HPN: variants seen among roughly 807,000 people sequenced by gnomAD.
HPN encodes hepsin.
In HPN, 13 loss-of-function variants were observed where a neutral mutation model predicts 55.9. That is an observed-to-expected ratio of 0.23 (90% CI 0.15 to 0.37). HPN has a LOEUF of 0.37. Ranked by LOEUF, HPN falls within the 10% of genes least tolerant of loss-of-function variation. The pLI, the probability that HPN is intolerant of heterozygous loss-of-function variation, is 1.00. For missense variants in HPN, 451 were observed against 575.8 expected, an observed-to-expected ratio of 0.78 and a Z score of 2.22; for synonymous variants, 225 against 240.3, an observed-to-expected ratio of 0.94 and a Z score of 0.59.
At chr19:35,066,143 C>T (rs1421497913) in intron 12 of HPN, 106 bp from the exon 13 acceptor site, 2 of 1,612,828 alleles carry the variant, frequency 1.2e-6, no homozygotes, top group Non-Finnish European at 1.7e-6. Flanking sequence ...AGAAGAGGGC[C>T]CCCCTTGGGA....
rs1313447801 is a variant in HPN at position 35,066,233 on chromosome 19, A to G, written c.1216-16A>G. ...AGCCTCTCAGACCTCGGGAGCCCCC[A>G]GCTGTCTTTCCCCAGACTCACTCCG... On this transcript the variant is annotated splice_polypyrimidine_tract_variant and intron_variant, in intron 12 of 12. Coordinates refer to ENST00000672452, the MANE Select transcript of HPN (RefSeq NM_001384133.1). 4 of 1,613,986 alleles carry G rather than the reference A, an allele frequency of 2.5e-6. No homozygotes were observed. Among genetic ancestry groups the G allele is most frequent in the Middle Eastern group, 1.6e-4 (1 of 6,062 alleles).
At chr19:35,065,398 G>C in intron 10 of HPN, 53 bp downstream of exon 10, 1 of 1,569,758 alleles carries the variant, frequency 6.4e-7, no homozygotes, top group Non-Finnish European at 8.7e-7. Flanking sequence ...TCTGAACTAG[G>C]CTGGGGATGG....
chr19:35,059,334 TAGTC>T (rs2064496130), intron 4 of HPN: 2 of 421,726 alleles, frequency 4.7e-6, no homozygotes, highest in South Asian at 2.1e-5. Context: ...ACAAAAAAAT[TAGTC>T]AGGTGTGGTG....
At chr19:35,059,325 C>A (rs532020217) in intron 4 of HPN, 21 of 400,396 alleles carry the variant, frequency 5.2e-5, no homozygotes, top group African/African-American at 4.2e-4. Flanking sequence ...AACAAACAAA[C>A]AAAAAAATTA....
rs142808033 is a variant in HPN, at chr19:35,051,603, G to A, written c.160+2087G>A. Among the ~76,000 whole-genome samples the A allele has an allele frequency of 2.9e-3, 434 of 152,036 alleles. 10 individuals are homozygous for A. In the South Asian group the frequency reaches 0.061, roughly 22 times the overall value. Reference sequence around the variant, plus strand: ...TGAGTGACTTGCCCCAGGTCATGGAGCTAGTCAGTGTCAGGGCTGGGATTT... The same window carrying A: ...TGAGTGACTTGCCCCAGGTCATGGAACTAGTCAGTGTCAGGGCTGGGATTT... On this transcript the variant is annotated intron_variant, in intron 4 of 12. Coordinates refer to ENST00000672452, the MANE Select transcript of HPN (RefSeq NM_001384133.1).
In HPN at chr19:35,065,905, T is replaced by G. The variant is rs542419907; in HGVS notation, c.1088T>G (p.Ile363Ser). The change falls in exon 12 of 13, where the codon ATC (isoleucine) becomes AGC (serine). Residue 363 changes from isoleucine (I) to serine (S), a missense_variant. Around this residue, in one of 2 missense-constraint regions of HPN, gnomAD observed 73 missense variants for 130.3 expected, o/e 0.56. Transcript: ENST00000672452. ...GGTCCCTTTGTGTGTGAGGACAGCA[T>G]CTCTCGGACGCCACGTTGGCGGCTG... ...SGGPFVCEDS[I>S]SRTPRWRLCG... 22 of 1,614,116 alleles carry G rather than the reference T, an allele frequency of 1.4e-5. No individual in the cohort carries two copies. In the East Asian group the frequency reaches 4.7e-4, roughly 34 times the overall value.
At chr19:35,041,688 T>TCACCCCCCCCCCCCCCCCCCCCCCC, upstream of HPN, 1 of 638,114 alleles carries the variant, frequency 1.6e-6, no homozygotes, top group Non-Finnish European at 2.0e-6. Context: ...CCCCGCCCCT[T>TCACCCCCCCCCCCCCCCCCCCCCCC]CACCCGCCCC....
At chr19:35,042,163 G>C in intron 1 of HPN, 2 of 1,182,502 alleles carry the variant, frequency 1.7e-6, no homozygotes, top group Non-Finnish European at 2.1e-6. Context: ...CAAGACTTAT[G>C]ATTTCAGGTC....
intron 2 of HPN, among the ~76,000 whole-genome samples, chr19:35,048,082 A>AAGAAAGAAAGAAGG (rs111546288): frequency 1.0e-5 from 1 of 96,984 alleles, no homozygotes; most frequent in Non-Finnish European, 2.1e-5. Context: ...GAAAGAAAGA[A>AAGAAAGAAAGAAGG]AAGGAAGGAA....
At chr19:35,041,255 C>T (rs1282327669), upstream of HPN, among the ~76,000 whole-genome samples, 2 of 151,902 alleles carry the variant, frequency 1.3e-5, no homozygotes, top group Non-Finnish European at 2.9e-5. Context: ...GGGGAGGGGC[C>T]GGGGCAGGAT....
At chr19:35,044,719 G>C (rs1408284710) in intron 2 of HPN, among the ~76,000 whole-genome samples, 1 of 152,144 alleles carries the variant, frequency 6.6e-6, no homozygotes, top group East Asian at 1.9e-4. Context: ...AGTGGGGCTG[G>C]AAATGCCAGG....
chr19:35,065,195 T>C, intron 9 of HPN, 55 bp from the exon 10 acceptor site: 1 of 1,286,320 alleles, frequency 7.8e-7, no homozygotes, highest in Non-Finnish European at 1.1e-6. Flanking sequence ...GGACAGAGGT[T>C]TGTACCAGGT....
chr19:35,041,688 T>TACCCCCCCCCCCCCCCCC, upstream of HPN: 1 of 638,114 alleles, frequency 1.6e-6, no homozygotes, highest in South Asian at 2.6e-5. Flanking sequence ...CCCCGCCCCT[T>TACCCCCCCCCCCCCCCCC]CACCCGCCCC....
intron 9 of HPN, among the ~76,000 whole-genome samples, chr19:35,062,934 G>C (rs565104726): frequency 1.4e-4 from 22 of 152,070 alleles, no homozygotes; most frequent in Non-Finnish European, 2.8e-4. Context: ...TAGTAATAGC[G>C]AGTAGTATTC....
chr19:35,057,376 A>C (rs1423559712), intron 4 of HPN, among the ~76,000 whole-genome samples: 2 of 151,740 alleles, frequency 1.3e-5, no homozygotes, highest in East Asian at 3.9e-4. Context: ...CAGTGACCCA[A>C]GGTTGCACCA....
intron 2 of HPN, among the ~76,000 whole-genome samples, chr19:35,045,711 G>A (rs571133620): frequency 2.2e-5 from 3 of 135,810 alleles, no homozygotes; most frequent in South Asian, 4.8e-4. Flanking sequence ...TGGGCCAGAT[G>A]AGGATGCTGC....
chr19:35,055,419 A>C (rs1284459280), intron 4 of HPN, among the ~76,000 whole-genome samples: 4 of 148,634 alleles, frequency 2.7e-5, no homozygotes, highest in African/African-American at 9.9e-5. Flanking sequence ...AAAAAGTGGC[A>C]GGGAGAAGGA....
Position 35,049,352 on chromosome 19 carries a change from C to T in HPN, c.79C>T (p.Leu27=). The T allele has an allele frequency of 6.2e-7, 1 of 1,602,928 alleles. No individual in the cohort carries two copies. The highest frequency in any genetic ancestry group is 1.1e-5 in the South Asian group (1 of 89,696). Reference sequence around the variant, plus strand: ...GGCAGCTCTCACTGCGGGGACCCTGCTACTTCTGACAGCCATCGGGGCGGC... The same window carrying T: ...GGCAGCTCTCACTGCGGGGACCCTGTTACTTCTGACAGCCATCGGGGCGGC... The part of the protein sequence containing the change: ...KVAALTAGTL[L]LLTAIGAASW... Residue 27 remains leucine (L), a synonymous_variant, in exon 3 of 13, where the codon CTA becomes TTA. Transcript: ENST00000672452.
intron 11 of HPN, 64 bp from the exon 12 acceptor site, chr19:35,065,804 T>A: frequency 6.6e-7 from 1 of 1,516,960 alleles, no homozygotes; most frequent in Non-Finnish European, 8.9e-7. Flanking sequence ...GCCCATGTCA[T>A]CCCGGGGTGG....
Sources: gnomAD v4.1 joint callset for allele counts (sites outside exome capture counted in the v4.1 genomes callset) on GRCh38, gnomAD v4.1.1 for gene constraint, gnomAD v4.1.1 regional missense constraint, MANE v1.5 for transcripts, NCBI Gene and HGNC (gene_info 2026-07-23, HGNC 2026-07-21) for gene names.